FRMD4B: variants seen among roughly 807,000 people sequenced by gnomAD.
FRMD4B encodes the protein FERM domain containing 4B.
In FRMD4B, 74 loss-of-function variants were observed where a neutral mutation model predicts 141.5. That is an observed-to-expected ratio of 0.52 (90% CI 0.43 to 0.63). The LOEUF (loss-of-function observed/expected upper bound fraction) is 0.63. Ranked by LOEUF, FRMD4B falls within the 30% of genes least tolerant of loss-of-function variation. The pLI, the probability that FRMD4B is intolerant of heterozygous loss-of-function variation, is 0.00. For missense variants in FRMD4B, 1,366 were observed against 1,253.4 expected, an observed-to-expected ratio of 1.09 and a Z score of -1.36; for synonymous variants, 506 against 467.9, an observed-to-expected ratio of 1.08 and a Z score of -1.05.
At chr3:69,177,165 C>T (rs1353719643) in intron 21 of FRMD4B, among the ~76,000 whole-genome samples, 8 of 152,080 alleles carry the variant, frequency 5.3e-5, no homozygotes, top group Admixed American at 5.2e-4. Flanking sequence ...TGGTGAAACC[C>T]TGTCTCTACC....
rs1704215128 is a variant in FRMD4B at position 69,385,052 on chromosome 3, TC to T, written c.162+775del. On this transcript the variant is annotated intron_variant, in intron 1 of 22. Transcript: ENST00000398540. ...CAACCAAAGCACAGAACTTTTAAAT[TC>T]ATAAATTACTGTCTAAAAAAAAAAA... Among the ~76,000 whole-genome samples, 3 of 150,646 alleles carry T rather than the reference TC, an allele frequency of 2.0e-5. No homozygotes were observed. In the South Asian group the frequency reaches 6.3e-4, roughly 31 times the overall value.
intron 1 of FRMD4B, among the ~76,000 whole-genome samples, chr3:69,372,924 T>C (rs1237140963): frequency 1.3e-5 from 2 of 152,348 alleles, no homozygotes; most frequent in East Asian, 1.9e-4. Context: ...CCCAGGGTTA[T>C]ACACGTAATG....
At chr3:69,514,267 T>C (rs927932912) in intron 1 of FRMD4B, among the ~76,000 whole-genome samples, 1 of 152,026 alleles carries the variant, frequency 6.6e-6, no homozygotes, top group South Asian at 2.1e-4. Flanking sequence ...CAATGAACAA[T>C]TTGAAAAGGA....
intron 1 of FRMD4B, among the ~76,000 whole-genome samples, chr3:69,493,055 C>T (rs1256874061): frequency 6.6e-6 from 1 of 152,208 alleles, no homozygotes; most frequent in African/African-American, 2.4e-5. Flanking sequence ...ACTTGAAGAA[C>T]TGGCAAACTT....
intron 1 of FRMD4B, among the ~76,000 whole-genome samples, chr3:69,524,819 A>G (rs759475999): frequency 4.9e-4 from 75 of 152,254 alleles, no homozygotes; most frequent in Non-Finnish European, 3.7e-4. Context: ...AAAGAAGGCT[A>G]GGAAATGTCG....
rs548791128 is a variant in FRMD4B at position 69,195,354 on chromosome 3, G to A, written c.1245C>T (p.Asp415=). Residue 415 remains aspartate (D), a synonymous_variant, in exon 15 of 23, where the codon GAC becomes GAT. Transcript: ENST00000398540. Reference sequence around the variant, plus strand: ...TCTTTTGCTCTTCACTAACTTCTGAGTCTTGAGAACCTAGGGGATGAGGGA... The same window carrying A: ...TCTTTTGCTCTTCACTAACTTCTGAATCTTGAGAACCTAGGGGATGAGGGA... The part of the protein sequence containing the change: ...NGSLISSGSQ[D]SEVSEEQKRE... 6.0e-5 allele frequency: 96 copies of A among 1,611,166 alleles called. No individual in the cohort carries two copies. The Admixed American group carries it at 1.5e-3, about 25-fold the overall frequency.
intron 2 of FRMD4B, among the ~76,000 whole-genome samples, chr3:69,400,374 C>T (rs1284211941): frequency 7.9e-6 from 1 of 127,308 alleles, no homozygotes; most frequent in Non-Finnish European, 1.7e-5. Flanking sequence ...AGAGTGAGAC[C>T]CTGTCTCTCA....
Position 69,313,502 on chromosome 3 carries a change from G to T in FRMD4B, c.178C>A (p.His60Asn). Reference protein sequence around the residue: ...QDVYQMTEGRHCQVHLLDDRR... With the variant: ...QDVYQMTEGRNCQVHLLDDRR... ...TCATCCAGGAGGTGCACCTGGCAGT[G>T]CCTGCCTTCTGTCATCTGCAGGAAC... The change falls in exon 2 of 23, where the codon CAC becomes AAC. Residue 60 changes from histidine to asparagine, a missense_variant. Physicochemically the swap from His to Asn is moderately conservative, Grantham distance 68. Coordinates refer to ENST00000398540, the MANE Select transcript of FRMD4B (RefSeq NM_015123.3). 1 of 1,569,178 alleles carries T rather than the reference G, an allele frequency of 6.4e-7. No individual in the cohort carries two copies. The highest frequency in any genetic ancestry group is 8.7e-7 in the Non-Finnish European group (1 of 1,155,768).
chr3:69,400,360 C>A, intron 2 of FRMD4B, among the ~76,000 whole-genome samples: 1 of 150,060 alleles, frequency 6.7e-6, no homozygotes, highest in Non-Finnish European at 1.5e-5. Context: ...CTAGCCTGGG[C>A]AACAGAGTGA....
intron 3 of FRMD4B, among the ~76,000 whole-genome samples, chr3:69,308,909 C>A (rs755717201): frequency 1.3e-5 from 2 of 152,208 alleles, no homozygotes; most frequent in Non-Finnish European, 2.9e-5. Flanking sequence ...CTGTCTAAAA[C>A]TGAACCCAAG....
intron 16 of FRMD4B, 91 bp downstream of exon 16, chr3:69,194,929 CAG>C: frequency 1.7e-6 from 2 of 1,149,874 alleles, no homozygotes; most frequent in East Asian, 5.1e-5. Context: ...TAACATACAG[CAG>C]AGACTCAAAA....
intron 11 of FRMD4B, among the ~76,000 whole-genome samples, chr3:69,211,023 GAAAA>G (rs541259572): frequency 1.2e-5 from 1 of 85,838 alleles, no homozygotes; most frequent in African/African-American, 4.6e-5. Context: ...ATGCCATCTC[GAAAA>G]AAAAAAAAAA....
At chr3:69,542,459 G>T (rs953955560) in exon 1 of FRMD4B, 1 of 153,486 alleles carries the variant, frequency 6.5e-6, no homozygotes, top group Non-Finnish European at 1.4e-5. Context: ...CGCATCCCCC[G>T]GCCCGGGTCT....
intron 5 of FRMD4B, among the ~76,000 whole-genome samples, chr3:69,250,501 A>AT (rs896765880): frequency 5.3e-5 from 8 of 151,934 alleles, no homozygotes; most frequent in African/African-American, 1.7e-4. Flanking sequence ...TCCTGGGATA[A>AT]TTTTTTTCCC....
chr3:69,437,600 A>AT (rs1470615025), intron 1 of FRMD4B, among the ~76,000 whole-genome samples: 2 of 139,672 alleles, frequency 1.4e-5, no homozygotes, highest in Non-Finnish European at 3.0e-5. Flanking sequence ...TACAATATTT[A>AT]ATAGTATATT....
intron 7 of FRMD4B, among the ~76,000 whole-genome samples, chr3:69,235,400 C>G (rs188330924): frequency 1.9e-4 from 29 of 151,906 alleles, no homozygotes; most frequent in African/African-American, 5.8e-4. Flanking sequence ...TGACTCATGC[C>G]TGTAATCCCA....
At chr3:69,314,022 C>T (rs1701705190) in intron 1 of FRMD4B, among the ~76,000 whole-genome samples, 3 of 145,876 alleles carry the variant, frequency 2.1e-5, no homozygotes, top group Non-Finnish European at 4.5e-5. Context: ...GCCTGTAGTC[C>T]CAGCTACTCG....
At chr3:69,455,989 G>C (rs1047624524) in intron 1 of FRMD4B, among the ~76,000 whole-genome samples, 1 of 152,092 alleles carries the variant, frequency 6.6e-6, no homozygotes, top group African/African-American at 2.4e-5. Context: ...ATTTTGCTTT[G>C]AGGCTTAATT....
chr3:69,512,757 G>A (rs187397673), intron 1 of FRMD4B, among the ~76,000 whole-genome samples: 39 of 152,252 alleles, frequency 2.6e-4, no homozygotes, highest in African/African-American at 7.0e-4. Context: ...GCATCTTCCC[G>A]CCCAAATAAA....
Sources: allele counts gnomAD v4.1 joint callset (sites outside exome capture counted in the v4.1 genomes callset), GRCh38; gene constraint gnomAD v4.1.1; transcripts MANE v1.5; gene names NCBI Gene and HGNC (gene_info 2026-07-23, HGNC 2026-07-21).